The following CYP3A5 variants were observed in gnomAD, a reference collection of about 807,000 sequenced individuals.
CYP3A5 encodes cytochrome P450 family 3 subfamily A member 5.
In CYP3A5, 51 loss-of-function variants were observed where a neutral mutation model predicts 55.9. The ratio of observed to expected loss-of-function variants is 0.91; its 90% CI spans 0.73 to 1.15. The LOEUF (loss-of-function observed/expected upper bound fraction) is 1.15, where lower values mean the gene tolerates loss of function less well. CYP3A5 is among the 50% of genes most tolerant of loss of function. The pLI is 0.00. For missense variants in CYP3A5, 533 were observed against 596.6 expected, an observed-to-expected ratio of 0.89 and a Z score of 1.11; for synonymous variants, 196 against 213.9, an observed-to-expected ratio of 0.92 and a Z score of 0.73.
At position 99,662,926 on chromosome 7, in the gene CYP3A5, G is replaced by GT; in HGVS notation, c.799-45_799-44insA. ...ATTTCTTTGGCAGAAAGTGACTCGT[G>GT]AAGTCAGAAGTAAATCAAAAGTGCA... On this transcript the variant is annotated intron_variant, in intron 8 of 12. Coordinates refer to ENST00000222982, the MANE Select transcript of CYP3A5 (RefSeq NM_000777.5). The surrounding 1 kb of genome is among the most constrained non-coding windows in gnomAD (Gnocchi z 4.3). 6.2e-7 allele frequency: 1 copy of GT among 1,610,326 alleles called. No individual in the cohort carries two copies. Among genetic ancestry groups the GT allele is most frequent in the Non-Finnish European group, 8.5e-7 (1 of 1,177,670 alleles).
chr7:99,660,791 T>A, intron 9 of CYP3A5, 132 bp from the exon 10 acceptor site: 2 of 1,086,010 alleles, frequency 1.8e-6, no homozygotes, highest in Non-Finnish European at 2.6e-6. Flanking sequence ...ACACTGGGAG[T>A]GGTTTTCATT....
At chr7:99,661,517 C>T (rs1423357666) in intron 9 of CYP3A5, among the ~76,000 whole-genome samples, 1 of 152,192 alleles carries the variant, frequency 6.6e-6, no homozygotes, top group Non-Finnish European at 1.5e-5. Flanking sequence ...CTTATGATTA[C>T]AGGTTGGCCT....
chr7:99,658,665 C>T (rs1373731819), intron 10 of CYP3A5, among the ~76,000 whole-genome samples: 1 of 152,200 alleles, frequency 6.6e-6, no homozygotes, highest in African/African-American at 2.4e-5. Flanking sequence ...TGGATAATAT[C>T]CTGCAGAGTG....
rs1247743088 is a variant in CYP3A5, at chr7:99,664,034, A to G, written c.732T>C (p.Asp244=). Residue 244 remains aspartate, a synonymous_variant, in exon 8 of 13, where the codon GAT becomes GAC. Coordinates refer to ENST00000222982, the MANE Select transcript of CYP3A5 (RefSeq NM_000777.5). ...EALNVSLFPK[D]TINFLSKSVN... ...CAGATTTACTTAAAAAATTTATGGT[A>G]TCTTTTGGAAACAGAGAGACATTTA... The G allele has an allele frequency of 2.5e-6, 4 of 1,601,464 alleles. No homozygotes were observed. The African/African-American group carries it at 5.4e-5, about 22-fold the overall frequency.
chr7:99,666,065 T>A (rs1405539326), intron 6 of CYP3A5, among the ~76,000 whole-genome samples: 1 of 152,080 alleles, frequency 6.6e-6, no homozygotes, highest in African/African-American at 2.4e-5. Context: ...AGACAGCAAA[T>A]AATAGGCTTG....
At chr7:99,663,353 A>G in intron 8 of CYP3A5, 1 of 992,834 alleles carries the variant, frequency 1.0e-6, no homozygotes, top group Non-Finnish European at 1.2e-6. Flanking sequence ...ACTCTATATA[A>G]TCTTCAGTGA....
chr7:99,671,702 C>A, intron 4 of CYP3A5: 2 of 638,072 alleles, frequency 3.1e-6, no homozygotes, highest in Admixed American at 2.6e-5. Context: ...ACCAAAAGAA[C>A]AATCCATAAA....
chr7:99,658,545 T>G (rs539677625), intron 10 of CYP3A5, among the ~76,000 whole-genome samples: 1 of 152,282 alleles, frequency 6.6e-6, no homozygotes, highest in Non-Finnish European at 1.5e-5. Context: ...TTGGTGAATC[T>G]GACAATTATG....
At chr7:99,648,501 AT>A in intron 12 of CYP3A5, 101 bp from the exon 13 acceptor site, 6 of 700,904 alleles carry the variant, frequency 8.6e-6, no homozygotes, top group Non-Finnish European at 9.2e-6. Flanking sequence ...CTTTGCAAGC[AT>A]ATAAAAACGA....
intron 1 of CYP3A5, among the ~76,000 whole-genome samples, chr7:99,679,261 G>A (rs1812593629): frequency 6.6e-6 from 1 of 152,162 alleles, no homozygotes; most frequent in Non-Finnish European, 1.5e-5. Flanking sequence ...AAAGAGGGAA[G>A]AGCCAGGGGA....
intron 12 of CYP3A5, among the ~76,000 whole-genome samples, chr7:99,648,652 T>C (rs1808858674): frequency 6.6e-6 from 1 of 151,476 alleles, no homozygotes; most frequent in Non-Finnish European, 1.5e-5. Context: ...AGACAAATTC[T>C]TGTGGACTCG....
chr7:99,664,475 A>G (rs1810777807), intron 7 of CYP3A5, among the ~76,000 whole-genome samples: 1 of 152,248 alleles, frequency 6.6e-6, no homozygotes, highest in South Asian at 2.1e-4. Flanking sequence ...TTAACACAGC[A>G]TATGTACATC....
At position 99,652,595 on chromosome 7, in the gene CYP3A5, T is replaced by G; in HGVS notation, c.1211A>C (p.Asp404Ala). The G allele has an allele frequency of 6.2e-7, 1 of 1,613,900 alleles. No homozygotes were observed. Residue 404 changes from aspartate (D) to alanine (A), a missense_variant, in exon 11 of 13, where the codon GAC (aspartate) becomes GCC (alanine). By Grantham distance (126) the Asp-to-Ala change is moderately radical (BLOSUM62 -2). Transcript: ENST00000222982. ...CTCAGGCTCTGTCCAGTACTTTGGG[T>G]CATGGTGAAGAGCATAAGTTGGAAT... ...VVIPTYALHHDPKYWTEPEEF... is the reference protein window; with the variant it reads ...VVIPTYALHHAPKYWTEPEEF...
intron 11 of CYP3A5, 167 bp downstream of exon 11, chr7:99,652,386 T>A (rs965701321): frequency 1.9e-6 from 1 of 528,664 alleles, no homozygotes; most frequent in African/African-American, 1.9e-5. Flanking sequence ...GTTTCGTTTT[T>A]TCTAGTCTGT....
chr7:99,666,636 CCG>C lies in CYP3A5; in HGVS notation c.484_485del (p.Arg162GlyfsTer46), dbSNP rs1811050739. 6.2e-7 allele frequency: 1 copy of C among 1,613,908 alleles called. No individual in the cohort carries two copies. Among genetic ancestry groups the C allele is most frequent in the African/African-American group, 1.3e-5 (1 of 74,910 alleles). ...TGACAGGCTTGCCTTTCTCTGCTTC[CCG>C]CCTCAAGTTTCTCACCAATACATCT... ...YGDVLVRNLR[R>X]EAEKGKPVTL... On this transcript the variant is annotated frameshift_variant, in exon 6 of 13. Coordinates refer to ENST00000222982, the MANE Select transcript of CYP3A5 (RefSeq NM_000777.5). LOFTEE classifies it high-confidence loss of function.
intron 4 of CYP3A5, among the ~76,000 whole-genome samples, chr7:99,668,559 G>A (rs1449170768): frequency 6.6e-6 from 1 of 152,224 alleles, no homozygotes; most frequent in African/African-American, 2.4e-5. Flanking sequence ...GGAATGGAAA[G>A]GGGTAATCAG....
At chr7:99,654,531 G>A (rs1299516851) in intron 10 of CYP3A5, among the ~76,000 whole-genome samples, 1 of 152,140 alleles carries the variant, frequency 6.6e-6, no homozygotes, top group African/African-American at 2.4e-5. Context: ...GAATAGTGCT[G>A]CAATAAACAT....
At chr7:99,666,507 C>T in intron 6 of CYP3A5, 94 bp downstream of exon 6, 1 of 1,347,922 alleles carries the variant, frequency 7.4e-7, no homozygotes, top group South Asian at 1.2e-5. Context: ...TGTCTGGTCA[C>T]TGGAGTAACC....
At chr7:99,664,359 G>A (rs191215444) in intron 7 of CYP3A5, among the ~76,000 whole-genome samples, 1 of 152,268 alleles carries the variant, frequency 6.6e-6, no homozygotes, top group Admixed American at 6.5e-5. Flanking sequence ...TAAATTCCCT[G>A]ACCTCTTAGC....
Sources: allele counts gnomAD v4.1 joint callset (sites outside exome capture counted in the v4.1 genomes callset), GRCh38; gene constraint gnomAD v4.1.1; non-coding constraint Gnocchi (gnomAD v3.1); transcripts MANE v1.5; gene names NCBI Gene and HGNC (gene_info 2026-07-23, HGNC 2026-07-21).